Variants in SNTB2 observed in about 807,000 individuals in gnomAD.
SNTB2 encodes the protein beta-2-syntrophin.
SNTB2 carries 34 observed loss-of-function variants against 46.2 expected under a neutral mutation model. That is an observed-to-expected ratio of 0.74 (90% confidence interval 0.56 to 0.98). The LOEUF (loss-of-function observed/expected upper bound fraction) is 0.98. Ranked by LOEUF, SNTB2 falls within the 50% of genes least tolerant of loss-of-function variation. The pLI is 0.00. For missense variants in SNTB2, 603 were observed against 731.4 expected (o/e 0.82, Z 2.02); for synonymous variants, 290 against 312.6 (o/e 0.93, Z 0.76).
At chr16:69,267,036 T>TA (rs1169742316) in intron 3 of SNTB2, among the ~76,000 whole-genome samples, 4 of 152,110 alleles carry the variant, frequency 2.6e-5, no homozygotes, top group African/African-American at 9.7e-5. Context: ...TTATCTTTTT[T>TA]TTTTTTTTTT....
intron 4 of SNTB2, among the ~76,000 whole-genome samples, chr16:69,273,463 A>G (rs1457808513): frequency 6.6e-6 from 1 of 152,230 alleles, no homozygotes; most frequent in Non-Finnish European, 1.5e-5. Context: ...GCTAAGTGAA[A>G]GAAGCCAGAC....
At chr16:69,252,019 C>T (rs1964732247) in intron 2 of SNTB2, among the ~76,000 whole-genome samples, 1 of 152,228 alleles carries the variant, frequency 6.6e-6, no homozygotes, top group Non-Finnish European at 1.5e-5. Flanking sequence ...GTTTCCATTG[C>T]TCCACATCCT....
intron 1 of SNTB2, among the ~76,000 whole-genome samples, chr16:69,238,301 T>C (rs1362154682): frequency 6.6e-6 from 1 of 152,176 alleles, no homozygotes; most frequent in Non-Finnish European, 1.5e-5. Context: ...TAGGGCTCTT[T>C]TCTTCTGGGT....
intron 2 of SNTB2, among the ~76,000 whole-genome samples, chr16:69,248,786 C>T (rs1597186359): frequency 6.6e-6 from 1 of 150,828 alleles, no homozygotes; most frequent in East Asian, 1.9e-4. Flanking sequence ...ATAACAAGAC[C>T]CTATCTCTAC....
chr16:69,218,758 G>T (rs1333519112), intron 1 of SNTB2, among the ~76,000 whole-genome samples: 2 of 152,056 alleles, frequency 1.3e-5, no homozygotes, highest in Non-Finnish European at 2.9e-5. Flanking sequence ...AATCATAAGA[G>T]GTCTGAAGGT....
intron 1 of SNTB2, among the ~76,000 whole-genome samples, chr16:69,227,841 A>AT (rs60387965): frequency 0.13 from 14,589 of 115,638 alleles, 994 homozygotes; most frequent in African/African-American, 0.15. Context: ...GTTTCTCTGG[A>AT]TTTTTTTTTT....
At chr16:69,187,773 G>GGGGGGGGGGGGGGGGGGGGGGGCC in intron 1 of SNTB2, 27 bp downstream of exon 1, 3 of 331,850 alleles carry the variant, frequency 9.0e-6, no homozygotes, top group Non-Finnish European at 1.7e-5. Context: ...GGGAGGGTGG[G>GGGGGGGGGGGGGGGGGGGGGGGCC]CAGGCCGCGG....
At chr16:69,292,407 T>TATATATATAATATATATATATATAA in intron 5 of SNTB2, among the ~76,000 whole-genome samples, 2 of 12,472 alleles carry the variant, frequency 1.6e-4, no homozygotes, top group Admixed American at 9.3e-4. Flanking sequence ...TATATATATA[T>TATATATATAATATATATATATATAA]TATATATATA....
intron 3 of SNTB2, 105 bp from the exon 4 acceptor site, chr16:69,270,038 G>A: frequency 7.6e-7 from 1 of 1,317,644 alleles, no homozygotes; most frequent in Non-Finnish European, 1.1e-6. Context: ...CCATCAGGTT[G>A]GGAAAACAAA....
chr16:69,192,896 G>C (rs1377827447), intron 1 of SNTB2, among the ~76,000 whole-genome samples: 1 of 152,038 alleles, frequency 6.6e-6, no homozygotes, highest in East Asian at 1.9e-4. Flanking sequence ...GACATTGCTA[G>C]AATGCTATAA....
chr16:69,254,852 A>G (rs1167098350), intron 2 of SNTB2, among the ~76,000 whole-genome samples: 2 of 151,988 alleles, frequency 1.3e-5, no homozygotes, highest in Non-Finnish European at 2.9e-5. Flanking sequence ...GTGGTGGTGC[A>G]CATCTGTGGT....
At chr16:69,287,455 A>C (rs1965114873) in intron 5 of SNTB2, among the ~76,000 whole-genome samples, 1 of 152,064 alleles carries the variant, frequency 6.6e-6, no homozygotes, top group Non-Finnish European at 1.5e-5. Flanking sequence ...CTATAATCCC[A>C]GCTACTCAGG....
intron 1 of SNTB2, among the ~76,000 whole-genome samples, chr16:69,237,666 G>A (rs1185731382): frequency 3.5e-5 from 5 of 143,312 alleles, no homozygotes; most frequent in Admixed American, 7.3e-5. Context: ...GCAATGGTGC[G>A]ATCTTGGCTC....
At chr16:69,221,037 A>C (rs983363361) in intron 1 of SNTB2, among the ~76,000 whole-genome samples, 1 of 152,168 alleles carries the variant, frequency 6.6e-6, no homozygotes, top group African/African-American at 2.4e-5. Flanking sequence ...ATGTGGACTC[A>C]CACAGTATGT....
At chr16:69,248,297 A>G (rs1368158794) in intron 2 of SNTB2, among the ~76,000 whole-genome samples, 1 of 152,210 alleles carries the variant, frequency 6.6e-6, no homozygotes, top group African/African-American at 2.4e-5. Flanking sequence ...AGTGCAACAC[A>G]GCTTGATCTT....
chr16:69,237,497 A>G (rs1009835653), intron 1 of SNTB2, among the ~76,000 whole-genome samples: 1 of 151,962 alleles, frequency 6.6e-6, no homozygotes, highest in Non-Finnish European at 1.5e-5. Context: ...AAGGGAGGGA[A>G]GAGCCAAGTC....
intron 5 of SNTB2, among the ~76,000 whole-genome samples, chr16:69,284,859 G>A (rs1176908630): frequency 1.3e-5 from 2 of 151,698 alleles, no homozygotes; most frequent in East Asian, 3.9e-4. Context: ...AGTGAGTTGA[G>A]ATCATACCAC....
intron 1 of SNTB2, among the ~76,000 whole-genome samples, chr16:69,216,687 C>A (rs560481356): frequency 2.6e-5 from 4 of 151,850 alleles, no homozygotes; most frequent in Non-Finnish European, 4.4e-5. Context: ...GACCCTGCCC[C>A]CCCCCCAAAA....
At chr16:69,284,966 G>A (rs150309166) in intron 5 of SNTB2, among the ~76,000 whole-genome samples, 289 of 152,250 alleles carry the variant, frequency 1.9e-3, no homozygotes, top group Non-Finnish European at 3.2e-3. Flanking sequence ...AGTATTCAGC[G>A]CAGTAACATA....
Sources: gnomAD v4.1 joint callset for allele counts (sites outside exome capture counted in the v4.1 genomes callset) on GRCh38, gnomAD v4.1.1 for gene constraint, MANE v1.5 for transcripts, NCBI Gene and HGNC (gene_info 2026-07-23, HGNC 2026-07-21) for gene names.